The following PCDHGB2 variants were observed in gnomAD, a reference collection of about 807,000 sequenced individuals.
The protein encoded by PCDHGB2 is protocadherin gamma subfamily B, 2.
PCDHGB2 carries 55 observed loss-of-function variants against 59.3 expected under a neutral mutation model. The observed-to-expected ratio is 0.93, with a 90% CI of 0.75 to 1.16. The LOEUF (loss-of-function observed/expected upper bound fraction) is 1.16. PCDHGB2 is among the 50% of genes most tolerant of loss of function. The probability of loss-of-function intolerance (pLI) is 0.00; values close to 1 mark genes in which losing one functional copy is unlikely to be tolerated. For missense variants in PCDHGB2, 1,228 were observed against 1,198.5 expected, an observed-to-expected ratio of 1.02 and a Z score of -0.36; for synonymous variants, 516 against 512.0, an observed-to-expected ratio of 1.01 and a Z score of -0.11.
intron 1 of PCDHGB2, among the ~76,000 whole-genome samples, chr5:141,467,743 C>T (rs1166073224): frequency 8.5e-5 from 13 of 152,052 alleles, no homozygotes; most frequent in Non-Finnish European, 1.8e-4. Flanking sequence ...CTCGCTGCAA[C>T]CTCCGCCTCA....
At chr5:141,403,344 C>T (rs1307550469) in intron 1 of PCDHGB2, 10 of 1,613,916 alleles carry the variant, frequency 6.2e-6, no homozygotes, top group Non-Finnish European at 8.5e-6. Context: ...GACAGCGCCC[C>T]AAAGTTCCAG....
intron 1 of PCDHGB2, chr5:141,371,611 C>A (rs561217101): frequency 8.1e-6 from 13 of 1,613,878 alleles, no homozygotes; most frequent in Non-Finnish European, 1.1e-5. Flanking sequence ...AGGTTGGTGA[C>A]AGATGGAGCC....
chr5:141,412,108 G>A (rs897331971), intron 1 of PCDHGB2: 2 of 152,198 alleles, frequency 1.3e-5, no homozygotes, highest in Admixed American at 6.5e-5. Flanking sequence ...CACAGTTGAA[G>A]ATATGTGAAC....
At chr5:141,377,750 G>A (rs532331824) in intron 1 of PCDHGB2, 1 of 152,230 alleles carries the variant, frequency 6.6e-6, no homozygotes, top group South Asian at 2.1e-4. Context: ...ACTGCAGCAG[G>A]GGACACCAGA....
chr5:141,383,913 A>G, intron 1 of PCDHGB2: 1 of 1,613,990 alleles, frequency 6.2e-7, no homozygotes, highest in Non-Finnish European at 8.5e-7. Flanking sequence ...TCACAGTTTT[A>G]GATGTAAATG....
At chr5:141,457,719 G>T (rs1437841051) in intron 1 of PCDHGB2, among the ~76,000 whole-genome samples, 1 of 152,226 alleles carries the variant, frequency 6.6e-6, no homozygotes, top group Non-Finnish European at 1.5e-5. Context: ...GTTCCACAAG[G>T]AATTTCAGAT....
intron 1 of PCDHGB2, chr5:141,398,744 G>A: frequency 1.9e-6 from 3 of 1,613,854 alleles, no homozygotes; most frequent in Non-Finnish European, 2.5e-6. Context: ...GAACAACAGA[G>A]TTACCATCGT....
intron 1 of PCDHGB2, among the ~76,000 whole-genome samples, chr5:141,433,747 G>A (rs566709728): frequency 1.3e-5 from 2 of 150,990 alleles, no homozygotes; most frequent in East Asian, 4.0e-4. Context: ...TGAGTCAGGA[G>A]AATTGCTTTA....
intron 1 of PCDHGB2, chr5:141,370,539 A>G: frequency 6.2e-7 from 1 of 1,613,826 alleles, no homozygotes; most frequent in Admixed American, 1.7e-5. Context: ...GCTGGTAGGG[A>G]ACCTCGCCAA....
At chr5:141,473,375 T>C (rs1433212994) in intron 1 of PCDHGB2, among the ~76,000 whole-genome samples, 1 of 152,192 alleles carries the variant, frequency 6.6e-6, no homozygotes, top group African/African-American at 2.4e-5. Flanking sequence ...AATAGCATGG[T>C]CCCTGCCCTC....
intron 1 of PCDHGB2, chr5:141,365,860 C>T (rs1422476891): frequency 6.2e-7 from 1 of 1,614,082 alleles, no homozygotes; most frequent in African/African-American, 1.3e-5. Context: ...TTAACTCTGA[C>T]ACCGGTGTCC....
intron 1 of PCDHGB2, chr5:141,484,855 G>T (rs1178318896): frequency 3.9e-6 from 1 of 257,336 alleles, no homozygotes; most frequent in East Asian, 8.3e-5. Context: ...GTTTTTTGGG[G>T]GGTGGGGGAG....
chr5:141,400,345 A>C lies in PCDHGB2; in HGVS notation c.2421+37789A>C, dbSNP rs757500171. On this transcript the variant is annotated intron_variant, in intron 1 of 3. Transcript: ENST00000522605. ...TGGACCTGTGGTTCCCCCCAACTACAGTCAGGGGACTTTGCCTTATTCCTA... is the reference window on the plus strand; with the variant it reads ...TGGACCTGTGGTTCCCCCCAACTACCGTCAGGGGACTTTGCCTTATTCCTA... 1.9e-6 allele frequency: 3 copies of C among 1,614,040 alleles called. No homozygotes were observed. In the South Asian group the frequency reaches 3.3e-5, roughly 18 times the overall value.
chr5:141,427,712 C>T, intron 1 of PCDHGB2: 2 of 1,051,468 alleles, frequency 1.9e-6, no homozygotes, highest in African/African-American at 1.6e-5. Context: ...GCGCCTCTGA[C>T]CTGGACCTAG....
intron 1 of PCDHGB2, chr5:141,393,531 C>G (rs997965420): frequency 6.2e-7 from 1 of 1,614,008 alleles, no homozygotes; most frequent in Non-Finnish European, 8.5e-7. Context: ...TGACAATGCC[C>G]CGGTTTTTCC....
intron 1 of PCDHGB2, chr5:141,409,901 C>T (rs1157563397): frequency 6.2e-7 from 1 of 1,613,264 alleles, no homozygotes; most frequent in East Asian, 2.2e-5. Flanking sequence ...GTACCCAGCT[C>T]TGGGTCCTGA....
chr5:141,407,703 G>A (rs1016806853), intron 1 of PCDHGB2, among the ~76,000 whole-genome samples: 26 of 152,096 alleles, frequency 1.7e-4, no homozygotes, highest in African/African-American at 6.3e-4. Flanking sequence ...ATTGTTGAAG[G>A]TGGGGTGATG....
intron 1 of PCDHGB2, chr5:141,418,636 C>G (rs564881404): frequency 6.2e-7 from 1 of 1,613,980 alleles, no homozygotes; most frequent in South Asian, 1.1e-5. Context: ...CTCCAGGCAC[C>G]TCCATCCTGA....
At chr5:141,488,762 C>T (rs1470160100) in intron 1 of PCDHGB2, among the ~76,000 whole-genome samples, 1 of 152,142 alleles carries the variant, frequency 6.6e-6, no homozygotes, top group Non-Finnish European at 1.5e-5. Context: ...TGGGACAGAA[C>T]GCTGAGGAGT....
Sources: gnomAD v4.1 joint callset for allele counts (sites outside exome capture counted in the v4.1 genomes callset) on GRCh38, gnomAD v4.1.1 for gene constraint, MANE v1.5 for transcripts, NCBI Gene and HGNC (gene_info 2026-07-23, HGNC 2026-07-21) for gene names.